Variants in DAB1 observed in about 807,000 individuals in gnomAD.
DAB1 encodes the protein disabled homolog 1.
DAB1 carries 15 observed loss-of-function variants against 64.6 expected under a neutral mutation model. The ratio of observed to expected loss-of-function variants is 0.23; its 90% CI spans 0.16 to 0.36. The LOEUF (loss-of-function observed/expected upper bound fraction) is 0.36, where lower values mean the gene tolerates loss of function less well. DAB1 is among the 10% of genes least tolerant of loss of function. DAB1 has a pLI of 1.00. For missense variants in DAB1, 596 were observed against 706.7 expected (o/e 0.84, Z 1.78); for synonymous variants, 235 against 251.9 (o/e 0.93, Z 0.64).
chr1:57,658,305 T>TC (rs1646341811), intron 6 of DAB1, among the ~76,000 whole-genome samples: 1 of 140,160 alleles, frequency 7.1e-6, no homozygotes, highest in Non-Finnish European at 1.6e-5. Flanking sequence ...GCAATTTTGT[T>TC]CTTTTTTTTT....
intron 1 of DAB1, among the ~76,000 whole-genome samples, chr1:57,832,850 G>A (rs1207393981): frequency 6.6e-6 from 1 of 152,128 alleles, no homozygotes; most frequent in South Asian, 2.1e-4. Flanking sequence ...TTTTGTAGGG[G>A]TGGGGGTGGT....
chr1:57,230,261 T>C (rs1667565769), intron 2 of DAB1, among the ~76,000 whole-genome samples: 1 of 151,492 alleles, frequency 6.6e-6, no homozygotes, highest in South Asian at 2.1e-4. Flanking sequence ...GCTTTCAACA[T>C]TGGCGATGTG....
chr1:57,221,046 A>G (rs1569942549), intron 2 of DAB1, among the ~76,000 whole-genome samples: 1 of 152,218 alleles, frequency 6.6e-6, no homozygotes, highest in South Asian at 2.1e-4. Flanking sequence ...GCACATATAT[A>G]CCATGGAATA....
At chr1:57,124,502 T>A (rs569205128) in intron 4 of DAB1, among the ~76,000 whole-genome samples, 6 of 152,122 alleles carry the variant, frequency 3.9e-5, no homozygotes, top group African/African-American at 7.2e-5. Context: ...GCCAGTAAAA[T>A]CTTTATTTTC....
rs1645508633 is a variant in DAB1, at chr1:57,596,295, A to T, written n.625+53297T>A. Among the ~76,000 whole-genome samples, 3 of 143,232 alleles carry T rather than the reference A, an allele frequency of 2.1e-5. No individual in the cohort carries two copies. The South Asian group carries it at 6.7e-4, about 32-fold the overall frequency. 94.0% of individuals were successfully genotyped at this position (143,232 alleles called of 152,430 possible). ...AACATGGCCTGGCTAACTGCTACTC[A>T]CCTTCAGGTGTTATTTTAATTGTCA... On this transcript the variant is annotated intron_variant and non_coding_transcript_variant, in intron 7 of 20. Transcript: ENST00000485760.
In DAB1 at chr1:58,393,143, T is replaced by A. The variant is rs80300446; in HGVS notation, n.258-49740A>T. On this transcript the variant is annotated intron_variant and non_coding_transcript_variant, in intron 3 of 20. Transcript: ENST00000485760. ...ATCTTTTTTTTTTTTTTTTTTTTTT[T>A]ATAGATACAGGTTTTCACCATGTTG... Among the ~76,000 whole-genome samples the A allele has an allele frequency of 2.1e-3, 272 of 131,092 alleles. 4 individuals are homozygous for A. The highest frequency in any genetic ancestry group is 8.6e-3 in the Middle Eastern group (2 of 232). The allele number at this position is 131,092 out of a possible 152,430, so 86.0% of individuals were successfully genotyped here.
intron 5 of DAB1, among the ~76,000 whole-genome samples, chr1:57,953,212 C>G (rs975739756): frequency 1.3e-5 from 2 of 152,208 alleles, no homozygotes; most frequent in African/African-American, 2.4e-5. Flanking sequence ...AATGAAGAAG[C>G]TTGACTTTTC....
chr1:57,125,375 T>C (rs764426938), intron 4 of DAB1, among the ~76,000 whole-genome samples: 4 of 152,172 alleles, frequency 2.6e-5, no homozygotes, highest in Non-Finnish European at 4.4e-5. Context: ...ACTGTAATAT[T>C]AGTGTAGTGC....
intron 2 of DAB1, among the ~76,000 whole-genome samples, chr1:57,251,856 TG>T (rs1269415564): frequency 6.6e-6 from 1 of 152,206 alleles, no homozygotes; most frequent in Non-Finnish European, 1.5e-5. Context: ...TGATTTGGAA[TG>T]GGCACATGGT....
chr1:57,771,422 T>C (rs1191360810), intron 6 of DAB1, among the ~76,000 whole-genome samples: 1 of 152,172 alleles, frequency 6.6e-6, no homozygotes, highest in African/African-American at 2.4e-5. Flanking sequence ...GAAAGTGCTC[T>C]GATTGGCTAT....
chr1:58,516,628 A>G (rs1449385840), intron 2 of DAB1, among the ~76,000 whole-genome samples: 2 of 152,216 alleles, frequency 1.3e-5, no homozygotes, highest in African/African-American at 4.8e-5. Context: ...GAGGAGCAGC[A>G]GAGAACCCTA....
At chr1:57,989,851 T>C (rs1419149031) in intron 5 of DAB1, among the ~76,000 whole-genome samples, 1 of 152,194 alleles carries the variant, frequency 6.6e-6, no homozygotes, top group Non-Finnish European at 1.5e-5. Flanking sequence ...CTCATTTGAA[T>C]GAAAATATGT....
At chr1:58,023,079 A>T (rs1325454) in intron 5 of DAB1, among the ~76,000 whole-genome samples, 9 of 151,972 alleles carry the variant, frequency 5.9e-5, no homozygotes, top group East Asian at 3.9e-4. Context: ...CCTTTCCCCA[A>T]GTGCCCTTAC....
Position 57,318,670 on chromosome 1 carries a change from G to A in DAB1, c.-136-27504C>T, listed in dbSNP as rs140001852. Among the ~76,000 whole-genome samples, 556 of 144,790 alleles carry A rather than the reference G, an allele frequency of 3.8e-3. 4 individuals carry two copies. The highest frequency in any genetic ancestry group is 0.014 in the African/African-American group (527 of 38,730). 95.0% of individuals were successfully genotyped at this position (144,790 alleles called of 152,430 possible). ...ATTAGAGAAAATATGCATAGGGCAC[G>A]TTGACTCAATATAATAAATGCAGTA... On this transcript the variant is annotated intron_variant, in intron 1 of 14. Coordinates refer to ENST00000371236, the MANE Select transcript of DAB1 (RefSeq NM_001365792.1).
chr1:57,968,954 T>A (rs1645733334), intron 5 of DAB1, among the ~76,000 whole-genome samples: 1 of 152,198 alleles, frequency 6.6e-6, no homozygotes, highest in African/African-American at 2.4e-5. Flanking sequence ...GCATAATTTG[T>A]ATACTGTTCA....
At chr1:57,439,816 T>C (rs933750981) in intron 7 of DAB1, among the ~76,000 whole-genome samples, 2 of 152,084 alleles carry the variant, frequency 1.3e-5, no homozygotes, top group Non-Finnish European at 2.9e-5. Flanking sequence ...GTGATTATGA[T>C]AACAATGACA....
intron 4 of DAB1, among the ~76,000 whole-genome samples, chr1:58,170,462 G>A (rs908910648): frequency 4.6e-5 from 7 of 152,038 alleles, no homozygotes; most frequent in South Asian, 4.1e-4. Flanking sequence ...CTCCAAAGGC[G>A]AGCCCTGGGC....
intron 3 of DAB1, among the ~76,000 whole-genome samples, chr1:58,354,551 T>C (rs148839158): frequency 6.6e-6 from 1 of 152,306 alleles, no homozygotes; most frequent in East Asian, 1.9e-4. Flanking sequence ...TTATAATAGA[T>C]ATGCAAATAT....
At chr1:57,016,867 G>A (rs113836894) in intron 11 of DAB1, among the ~76,000 whole-genome samples, 28 of 152,230 alleles carry the variant, frequency 1.8e-4, no homozygotes, top group African/African-American at 6.3e-4. Flanking sequence ...ATGTCTTCAC[G>A]AAATCCCGGC....
Sources: allele counts gnomAD v4.1 joint callset (sites outside exome capture counted in the v4.1 genomes callset), GRCh38; gene constraint gnomAD v4.1.1; transcripts MANE v1.5; gene names NCBI Gene and HGNC (gene_info 2026-07-23, HGNC 2026-07-21).